The following LTA variants were observed in gnomAD, a reference collection of about 807,000 sequenced individuals.
The protein encoded by LTA is lymphotoxin-alpha.
Under a neutral mutation model 15.1 loss-of-function variants are expected in LTA, and 6 were observed. The observed-to-expected ratio is 0.40, with a 90% confidence interval of 0.22 to 0.78. The LOEUF is 0.78. Among genes scored for constraint, LTA ranks in the 30% least tolerant of loss-of-function variants. LTA has a pLI of 0.38. For synonymous variants in LTA, 87 were observed against 107.3 expected, an observed-to-expected ratio of 0.81 and a Z score of 1.17; for missense variants, 173 against 249.5, an observed-to-expected ratio of 0.69 and a Z score of 2.06.
At chr6:31,568,821 C>T (rs35666400), upstream of LTA, among the ~76,000 whole-genome samples, 456 of 152,236 alleles carry the variant, frequency 3.0e-3, 5 homozygotes, top group Non-Finnish European at 3.1e-3. The surrounding 1 kb of genome is among the most constrained non-coding windows in gnomAD (Gnocchi z 4.1). Flanking sequence ...CTCACATGCA[C>T]GTGACACTGA....
At chr6:31,566,626 C>T in the LTA span, among the ~76,000 whole-genome samples, 167 of 121,532 alleles carry the variant, frequency 1.4e-3, 1 homozygote, top group African/African-American at 5.2e-3. Context: ...GGTGACAGAG[C>T]GATTCTGTCT....
At chr6:31,568,135 CA>C, upstream of LTA, among the ~76,000 whole-genome samples, 1 of 152,332 alleles carries the variant, frequency 6.6e-6, no homozygotes, top group Admixed American at 6.5e-5. The surrounding 1 kb of genome is among the most constrained non-coding windows in gnomAD (Gnocchi z 4.1). Flanking sequence ...CACTGGAATA[CA>C]AGCTCCACAG....
chr6:31,573,113 C>A (rs1289611673), intron 3 of LTA, 80 bp downstream of exon 3: 6 of 1,315,122 alleles, frequency 4.6e-6, no homozygotes, highest in Non-Finnish European at 6.4e-6. Flanking sequence ...AGCATCCACC[C>A]CTCTCCCCCA....
At chr6:31,568,878 C>A (rs548474760), upstream of LTA, among the ~76,000 whole-genome samples, 18 of 152,280 alleles carry the variant, frequency 1.2e-4, no homozygotes, top group Non-Finnish European at 2.2e-4. The surrounding 1 kb of genome is among the most constrained non-coding windows in gnomAD (Gnocchi z 4.1). Context: ...TCTCATGTCT[C>A]CCCATCACCC....
At chr6:31,573,257 C>T (rs763435466) in intron 3 of LTA, 24 bp from the exon 4 acceptor site, 18 of 1,595,976 alleles carry the variant, frequency 1.1e-5, no homozygotes, top group Non-Finnish European at 1.5e-5. Flanking sequence ...ATCTCCCACC[C>T]CCATCCCCTA....
chr6:31,574,126 G>A lies in LTA; in HGVS notation c.*433G>A, dbSNP rs1771021048. ...AGGGGAATAATAGAAGAACATCCAA[G>A]GAGAAACAGAGACAGGCCCAAGAGA... On this transcript the variant is annotated 3_prime_UTR_variant, in exon 4 of 4. Coordinates refer to ENST00000418386, the MANE Select transcript of LTA (RefSeq NM_000595.4). The A allele has an allele frequency of 6.1e-6, 2 of 330,178 alleles. No individual in the cohort carries two copies. Among genetic ancestry groups the A allele is most frequent in the African/African-American group, 2.2e-5 (1 of 45,830 alleles). The allele number at this position is 330,178 out of a possible 1,614,324, so 20.5% of individuals were successfully genotyped here.
the LTA span, among the ~76,000 whole-genome samples, chr6:31,566,953 G>A: frequency 2.0e-5 from 3 of 148,762 alleles, no homozygotes; most frequent in Admixed American, 2.0e-4. Flanking sequence ...AAAAAAGAAA[G>A]AAAAAAAATC....
the LTA span, among the ~76,000 whole-genome samples, chr6:31,562,658 G>T: frequency 6.6e-6 from 1 of 152,042 alleles, no homozygotes; most frequent in South Asian, 2.1e-4. Context: ...TGAGGCCAGG[G>T]GTTCAAGACT....
At chr6:31,564,788 C>T in the LTA span, among the ~76,000 whole-genome samples, 1 of 151,408 alleles carries the variant, frequency 6.6e-6, no homozygotes, top group Non-Finnish European at 1.5e-5. Flanking sequence ...GTGGTATGCG[C>T]CTGTAGTCCT....
chr6:31,572,726 C>T lies in LTA; in HGVS notation c.-9-8C>T. 6 of 1,577,472 alleles carry T rather than the reference C, an allele frequency of 3.8e-6. No homozygotes were observed. Among genetic ancestry groups the T allele is most frequent in the African/African-American group, 1.4e-5 (1 of 73,320 alleles). On this transcript the variant is annotated splice_polypyrimidine_tract_variant and splice_region_variant and intron_variant, in intron 1 of 3. Transcript: ENST00000418386. ...ACTGTCTCTCTCTCTCTCTCTCTTT[C>T]TCTGCAGGTTCTCCCCATGACACCA...
At chr6:31,570,092 G>A (rs1379874789), upstream of LTA, among the ~76,000 whole-genome samples, 1 of 152,164 alleles carries the variant, frequency 6.6e-6, no homozygotes, top group Non-Finnish European at 1.5e-5. Context: ...AGGCTCCCAT[G>A]TCACCTAAAA....
chr6:31,563,629 C>T, the LTA span, among the ~76,000 whole-genome samples: 26 of 152,142 alleles, frequency 1.7e-4, no homozygotes, highest in Non-Finnish European at 3.4e-4. Flanking sequence ...ATTTTTGAGA[C>T]AGAGTTTCAC....
rs755978636 is a variant in LTA at position 31,573,782 on chromosome 6, C to G, written c.*89C>G. ...ATTCTGACCATTTCAGGGGTCGTCACCACCTCTCCTTTGGCCATTCCAACA... is the reference window on the plus strand; with the variant it reads ...ATTCTGACCATTTCAGGGGTCGTCAGCACCTCTCCTTTGGCCATTCCAACA... On this transcript the variant is annotated 3_prime_UTR_variant, in exon 4 of 4. Transcript: ENST00000418386. 1.4e-6 allele frequency: 2 copies of G among 1,464,950 alleles called. No homozygotes were observed. Among genetic ancestry groups the G allele is most frequent in the Non-Finnish European group, 1.9e-6 (2 of 1,055,084 alleles). 90.7% of individuals were successfully genotyped at this position (1,464,950 alleles called of 1,614,324 possible).
chr6:31,563,865 C>T, the LTA span, among the ~76,000 whole-genome samples: 1 of 152,168 alleles, frequency 6.6e-6, no homozygotes, highest in African/African-American at 2.4e-5. Context: ...ACCTTGGCCT[C>T]CCAAAGTGCT....
At chr6:31,571,868 A>G (rs140599213), upstream of LTA, among the ~76,000 whole-genome samples, 2 of 149,834 alleles carry the variant, frequency 1.3e-5, no homozygotes, top group African/African-American at 2.5e-5. Context: ...GGACAAGGAC[A>G]GGGGTACAAG....
chr6:31,567,047 A>G, the LTA span, among the ~76,000 whole-genome samples: 2 of 151,240 alleles, frequency 1.3e-5, no homozygotes, highest in African/African-American at 4.9e-5. Context: ...TGTAATCCCA[A>G]AACTTTGGGA....
chr6:31,573,865 C>T lies in LTA; in HGVS notation c.*172C>T, dbSNP rs1296498385. On this transcript the variant is annotated 3_prime_UTR_variant, in exon 4 of 4. Coordinates refer to ENST00000418386, the MANE Select transcript of LTA (RefSeq NM_000595.4). ...TTTCAAAGAAGGAATTCTAGGCATCCCAGGGGACCACACCTCCCTGAACCA... is the reference window on the plus strand; with the variant it reads ...TTTCAAAGAAGGAATTCTAGGCATCTCAGGGGACCACACCTCCCTGAACCA... 1.3e-6 allele frequency: 1 copy of T among 785,026 alleles called. No individual in the cohort carries two copies. The highest frequency in any genetic ancestry group is 2.7e-5 in the East Asian group (1 of 37,598). The allele number at this position is 785,026 out of a possible 1,614,324, so 48.6% of individuals were successfully genotyped here.
chr6:31,562,880 C>G, the LTA span, among the ~76,000 whole-genome samples: 1 of 136,796 alleles, frequency 7.3e-6, no homozygotes, highest in Non-Finnish European at 1.6e-5. Flanking sequence ...AAAAAAAAAG[C>G]CCAGGTGCGG....
Position 31,573,912 on chromosome 6 carries a change from A to T in LTA, c.*219A>T. The T allele has an allele frequency of 1.4e-6, 1 of 711,578 alleles. No individual in the cohort carries two copies. Among genetic ancestry groups the T allele is most frequent in the South Asian group, 1.5e-5 (1 of 66,966 alleles). The allele number at this position is 711,578 out of a possible 1,614,324, so 44.1% of individuals were successfully genotyped here. On this transcript the variant is annotated 3_prime_UTR_variant, in exon 4 of 4. Coordinates refer to ENST00000418386, the MANE Select transcript of LTA (RefSeq NM_000595.4). ...ACCATCCCTGATGTCTGTCTGGCTG[A>T]GGATTTCAAGCCTGCCTAGGAATTC...
Sources: allele counts gnomAD v4.1 joint callset (sites outside exome capture counted in the v4.1 genomes callset), GRCh38; gene constraint gnomAD v4.1.1; non-coding constraint Gnocchi (gnomAD v3.1); transcripts MANE v1.5; gene names NCBI Gene and HGNC (gene_info 2026-07-23, HGNC 2026-07-21).